The following FAM174A variants were observed in gnomAD, a reference collection of about 807,000 sequenced individuals.
The protein encoded by FAM174A is membrane protein FAM174A.
FAM174A carries 14 observed loss-of-function variants against 14.3 expected under a neutral mutation model. That is an observed-to-expected ratio of 0.98 (90% CI 0.65 to 1.53). The LOEUF is 1.53. Ranked by LOEUF, FAM174A falls within the 40% of genes most tolerant of loss-of-function variation. The pLI, the probability that FAM174A is intolerant of heterozygous loss-of-function variation, is 0.00. For synonymous variants in FAM174A, 108 were observed against 111.4 expected (o/e 0.97, Z 0.19); for missense variants, 241 against 249.6 (o/e 0.97, Z 0.23).
chr5:100,557,739 T>C (rs1383103763), intron 1 of FAM174A, among the ~76,000 whole-genome samples: 5 of 152,220 alleles, frequency 3.3e-5, no homozygotes, highest in Non-Finnish European at 7.3e-5. Context: ...GTGTTTATAG[T>C]ATTATCTGAT....
intron 1 of FAM174A, 39 bp downstream of exon 1, chr5:100,536,003 A>C: frequency 6.6e-7 from 1 of 1,509,488 alleles, no homozygotes; most frequent in Non-Finnish European, 8.9e-7. Flanking sequence ...CGTGGGCCTG[A>C]GATACGCAGG....
chr5:100,550,963 G>A (rs1746250883), intron 1 of FAM174A, among the ~76,000 whole-genome samples: 1 of 152,010 alleles, frequency 6.6e-6, no homozygotes, highest in East Asian at 1.9e-4. Flanking sequence ...GCCATCCTGT[G>A]CTCATCTTTG....
intron 2 of FAM174A, among the ~76,000 whole-genome samples, chr5:100,566,141 G>GATATAGAT (rs1746641188): frequency 1.2e-5 from 1 of 81,810 alleles, no homozygotes; most frequent in African/African-American, 4.1e-5. Flanking sequence ...TGAAAAGTAT[G>GATATAGAT]ATATATATAT....
intron 1 of FAM174A, among the ~76,000 whole-genome samples, chr5:100,544,825 A>C (rs1019964370): frequency 1.3e-5 from 2 of 152,244 alleles, no homozygotes; most frequent in African/African-American, 4.8e-5. Context: ...AATGTGGGAC[A>C]AAATGGAGAA....
intron 2 of FAM174A, among the ~76,000 whole-genome samples, chr5:100,585,969 C>T (rs1363135595): frequency 6.6e-6 from 1 of 151,876 alleles, no homozygotes; most frequent in Non-Finnish European, 1.5e-5. Flanking sequence ...TATAAAATTC[C>T]TTTAAATAGT....
chr5:100,554,246 G>A (rs1232731129), intron 1 of FAM174A, among the ~76,000 whole-genome samples: 1 of 150,382 alleles, frequency 6.6e-6, no homozygotes, highest in Non-Finnish European at 1.5e-5. Flanking sequence ...ATTGCATGCA[G>A]ATATCATTAA....
At chr5:100,549,478 T>C (rs32261) in intron 1 of FAM174A, among the ~76,000 whole-genome samples, 85,966 of 152,016 alleles carry the variant, frequency 0.57, 26,702 homozygotes, top group African/African-American at 0.81. Context: ...CCAACATGCC[T>C]TCAACAGGAG....
intron 2 of FAM174A, among the ~76,000 whole-genome samples, chr5:100,580,949 A>G (rs1044491532): frequency 6.6e-6 from 1 of 151,956 alleles, no homozygotes; most frequent in African/African-American, 2.4e-5. Context: ...TTGTTTTGAG[A>G]TAGATTTTGG....
intron 1 of FAM174A, among the ~76,000 whole-genome samples, chr5:100,547,655 C>G (rs1746189859): frequency 6.6e-6 from 1 of 152,020 alleles, no homozygotes; most frequent in Non-Finnish European, 1.5e-5. Flanking sequence ...GGACGGATTG[C>G]TGATAGAACC....
intron 2 of FAM174A, among the ~76,000 whole-genome samples, chr5:100,574,281 C>T (rs1746856367): frequency 6.6e-6 from 1 of 152,024 alleles, no homozygotes; most frequent in South Asian, 2.1e-4. Flanking sequence ...CTCTTTCTCC[C>T]AGGTTCAAGT....
At chr5:100,578,776 T>G (rs771762364) in intron 2 of FAM174A, among the ~76,000 whole-genome samples, 2 of 152,194 alleles carry the variant, frequency 1.3e-5, no homozygotes, top group Non-Finnish European at 2.9e-5. Context: ...AAAAATATTT[T>G]TACCTATTAA....
intron 2 of FAM174A, among the ~76,000 whole-genome samples, chr5:100,572,822 G>A (rs999840512): frequency 4.6e-5 from 7 of 152,076 alleles, no homozygotes; most frequent in Admixed American, 2.6e-4. Context: ...CTGAGGAATC[G>A]CCACCCTGAC....
intron 2 of FAM174A, among the ~76,000 whole-genome samples, chr5:100,563,084 A>G (rs538502979): frequency 6.6e-6 from 1 of 151,962 alleles, no homozygotes; most frequent in South Asian, 2.1e-4. Context: ...ATATATGTCT[A>G]TCCATCTATC....
chr5:100,566,180 A>ATATGTACAT (rs371669507), intron 2 of FAM174A, among the ~76,000 whole-genome samples: 65 of 113,360 alleles, frequency 5.7e-4, no homozygotes, highest in Non-Finnish European at 9.5e-4. Flanking sequence ...ATGTACATAT[A>ATATGTACAT]ATATATATAA....
At chr5:100,584,057 G>C (rs1473989523) in intron 2 of FAM174A, among the ~76,000 whole-genome samples, 3 of 152,178 alleles carry the variant, frequency 2.0e-5, no homozygotes, top group African/African-American at 7.2e-5. Context: ...TTAAAAGTCA[G>C]TCCCCTACTA....
rs755921624 is a variant in FAM174A, at chr5:100,535,981, G to A, written c.434+17G>A. 1.3e-6 allele frequency: 2 copies of A among 1,548,334 alleles called. No individual in the cohort carries two copies. The highest frequency in any genetic ancestry group is 1.2e-5 in the South Asian group (1 of 82,678). ...GACGGTCAGGTGAGGCAAAGCCTCG[G>A]TGGGGCACCCCCGTGGGCCTGAGAT... On this transcript the variant is annotated intron_variant, in intron 1 of 2. Transcript: ENST00000312637.
intron 1 of FAM174A, among the ~76,000 whole-genome samples, chr5:100,544,333 G>T (rs1746122922): frequency 6.6e-6 from 1 of 151,954 alleles, no homozygotes; most frequent in South Asian, 2.1e-4. Context: ...CCCGGAAACA[G>T]TTGAGGCCAA....
chr5:100,547,734 G>T (rs1200495895), intron 1 of FAM174A, among the ~76,000 whole-genome samples: 1 of 152,070 alleles, frequency 6.6e-6, no homozygotes, highest in African/African-American at 2.4e-5. Flanking sequence ...TAGCAGTGTG[G>T]CTCAGAGAAA....
chr5:100,541,090 G>A (rs1444493053), intron 1 of FAM174A, among the ~76,000 whole-genome samples: 3 of 152,146 alleles, frequency 2.0e-5, no homozygotes, highest in Non-Finnish European at 4.4e-5. Flanking sequence ...TATCATATGG[G>A]CCACCTTTAA....
Sources: allele counts gnomAD v4.1 joint callset (sites outside exome capture counted in the v4.1 genomes callset), GRCh38; gene constraint gnomAD v4.1.1; transcripts MANE v1.5; gene names NCBI Gene and HGNC (gene_info 2026-07-23, HGNC 2026-07-21).